LARP1B: variants seen among roughly 807,000 people sequenced by gnomAD.
LARP1B encodes La ribonucleoprotein 1B.
A neutral mutation model predicts 114.2 loss-of-function variants in LARP1B; 76 were observed. The observed-to-expected ratio is 0.67, with a 90% CI of 0.55 to 0.81. The LOEUF (loss-of-function observed/expected upper bound fraction) is 0.81. Among genes scored for constraint, LARP1B ranks in the 30% least tolerant of loss-of-function variants. The pLI, the probability that LARP1B is intolerant of heterozygous loss-of-function variation, is 0.00. For synonymous variants in LARP1B, 345 were observed against 348.0 expected (o/e 0.99, Z 0.10); for missense variants, 1,014 against 1,075.8 (o/e 0.94, Z 0.80).
intron 16 of LARP1B, among the ~76,000 whole-genome samples, chr4:128,200,189 C>G (rs1449138492): frequency 6.6e-6 from 1 of 152,190 alleles, no homozygotes; most frequent in Non-Finnish European, 1.5e-5. Context: ...TCAGCTGTTT[C>G]AGCAGTCCTC....
intron 5 of LARP1B, among the ~76,000 whole-genome samples, chr4:128,090,114 C>T (rs1265933650): frequency 6.6e-6 from 1 of 151,460 alleles, no homozygotes; most frequent in African/African-American, 2.4e-5. Context: ...GCTCTGTAGC[C>T]CAGGCTGGAG....
At chr4:128,094,400 CTTT>C (rs776529101) in intron 7 of LARP1B, among the ~76,000 whole-genome samples, 1 of 128,730 alleles carries the variant, frequency 7.8e-6, no homozygotes, top group Non-Finnish European at 1.6e-5. Flanking sequence ...TTTTCTTTTT[CTTT>C]TTTTTTTTTT....
At chr4:128,104,117 A>G (rs893449544) in intron 8 of LARP1B, among the ~76,000 whole-genome samples, 2 of 150,666 alleles carry the variant, frequency 1.3e-5, no homozygotes, top group Non-Finnish European at 1.5e-5. Flanking sequence ...TACATTATAT[A>G]TTGTAACTCA....
chr4:128,165,898 G>A (rs1049692336), intron 12 of LARP1B, among the ~76,000 whole-genome samples: 8 of 151,956 alleles, frequency 5.3e-5, no homozygotes, highest in African/African-American at 1.9e-4. Flanking sequence ...CTAAAATTTG[G>A]AAGCTTTAGG....
rs371866868 is a variant in LARP1B at position 128,160,542 on chromosome 4, A to G, written c.1525-1652A>G. On this transcript the variant is annotated intron_variant, in intron 11 of 19. Coordinates refer to ENST00000326639, the MANE Select transcript of LARP1B (RefSeq NM_018078.4). ...ACTTCTTGTGTGTGTGTGTGTGTGT[A>G]TGTTATACATTAATGAATTAGTTAA... 1.1e-4 allele frequency among the ~76,000 whole-genome samples: 16 copies of G among 151,976 alleles called. No individual in the cohort carries two copies. The East Asian group carries it at 3.1e-3, about 29-fold the overall frequency.
At chr4:128,069,019 T>C in intron 1 of LARP1B, 1 of 859,236 alleles carries the variant, frequency 1.2e-6, no homozygotes, top group Non-Finnish European at 1.8e-6. Context: ...TTATATTGGC[T>C]GTAACGGTGG....
At chr4:128,164,423 A>C (rs1739817499) in intron 12 of LARP1B, among the ~76,000 whole-genome samples, 1 of 152,158 alleles carries the variant, frequency 6.6e-6, no homozygotes. Flanking sequence ...GTCACAAATA[A>C]GGAGATAAAT....
chr4:128,135,966 A>G (rs1337708736), intron 11 of LARP1B, among the ~76,000 whole-genome samples: 1 of 152,028 alleles, frequency 6.6e-6, no homozygotes, highest in Non-Finnish European at 1.5e-5. Context: ...CCAACTACAT[A>G]CCAAATTAAA....
downstream of LARP1B, among the ~76,000 whole-genome samples, chr4:128,214,462 T>C (rs544802082): frequency 5.3e-5 from 8 of 151,788 alleles, no homozygotes; most frequent in East Asian, 2.0e-4. Flanking sequence ...ATCTGAGAAC[T>C]GGCAGACTGC....
At chr4:128,111,635 T>C (rs931888423) in intron 9 of LARP1B, among the ~76,000 whole-genome samples, 15 of 152,116 alleles carry the variant, frequency 9.9e-5, no homozygotes, top group Non-Finnish European at 1.8e-4. Flanking sequence ...CGCAGGAGTT[T>C]GAGGCTGTAG....
At chr4:128,171,588 G>A (rs997026160) in intron 12 of LARP1B, among the ~76,000 whole-genome samples, 5 of 152,046 alleles carry the variant, frequency 3.3e-5, no homozygotes, top group Non-Finnish European at 7.4e-5. Context: ...GACCTTTACC[G>A]TTTATCTTGC....
intron 4 of LARP1B, among the ~76,000 whole-genome samples, chr4:128,081,166 C>T (rs1450353230): frequency 6.6e-6 from 1 of 150,816 alleles, no homozygotes. Context: ...GCAACCTCTG[C>T]CTCCCGGGTT....
chr4:128,086,662 C>A (rs1773694528), intron 5 of LARP1B, among the ~76,000 whole-genome samples: 2 of 152,130 alleles, frequency 1.3e-5, no homozygotes, highest in African/African-American at 4.8e-5. Flanking sequence ...CTTTTTATAA[C>A]TGGCAATAAG....
At chr4:128,185,706 C>CT (rs960840426) in intron 15 of LARP1B, among the ~76,000 whole-genome samples, 1 of 152,080 alleles carries the variant, frequency 6.6e-6, no homozygotes, top group African/African-American at 2.4e-5. Context: ...TCTCATTAGT[C>CT]TATTTTTGCT....
intron 15 of LARP1B, among the ~76,000 whole-genome samples, chr4:128,196,481 T>C (rs1754165478): frequency 2.6e-5 from 4 of 151,768 alleles, no homozygotes; most frequent in South Asian, 2.1e-4. Context: ...ACCATGCCAC[T>C]GCACTCCAGT....
chr4:128,060,858 G>A (rs1174268803), upstream of LARP1B, among the ~76,000 whole-genome samples: 1 of 151,966 alleles, frequency 6.6e-6, no homozygotes, highest in Non-Finnish European at 1.5e-5. Context: ...CACTTCACTT[G>A]GGAGCTGCCC....
At chr4:128,185,325 C>T (rs544637025) in intron 15 of LARP1B, among the ~76,000 whole-genome samples, 1 of 152,238 alleles carries the variant, frequency 6.6e-6, no homozygotes, top group Admixed American at 6.5e-5. Context: ...TTCTCTGCAT[C>T]CTTGCAACAT....
chr4:128,151,522 T>A (rs1732778655), intron 11 of LARP1B, among the ~76,000 whole-genome samples: 1 of 152,160 alleles, frequency 6.6e-6, no homozygotes, highest in Non-Finnish European at 1.5e-5. Flanking sequence ...TTCATGACAT[T>A]GATGTTTTTC....
At chr4:128,207,191 TA>T (rs2150948212) in intron 18 of LARP1B, 64 bp from the exon 19 acceptor site, 1 of 712,650 alleles carries the variant, frequency 1.4e-6, no homozygotes, top group African/African-American at 1.8e-5. Flanking sequence ...GATAGGATTA[TA>T]TTTAATGTGA....
Sources: allele counts gnomAD v4.1 joint callset (sites outside exome capture counted in the v4.1 genomes callset), GRCh38; gene constraint gnomAD v4.1.1; transcripts MANE v1.5; gene names NCBI Gene and HGNC (gene_info 2026-07-23, HGNC 2026-07-21).